The following UNC13C variants were observed in gnomAD, a reference collection of about 807,000 sequenced individuals.
UNC13C encodes protein unc-13 homolog C.
A neutral mutation model predicts 245.4 loss-of-function variants in UNC13C; 174 were observed. That is an observed-to-expected ratio of 0.71 (90% CI 0.63 to 0.80). UNC13C has a LOEUF of 0.80. Ranked by LOEUF, UNC13C falls within the 30% of genes least tolerant of loss-of-function variation. The pLI, the probability that UNC13C is intolerant of heterozygous loss-of-function variation, is 0.00. For missense variants in UNC13C, 2,829 were observed against 2,602.9 expected (o/e 1.09, Z -1.89); for synonymous variants, 992 against 895.1 (o/e 1.11, Z -1.93).
chr15:54,518,576 TAAACCA>T (rs575763071), intron 24 of UNC13C, among the ~76,000 whole-genome samples: 528 of 152,338 alleles, frequency 3.5e-3, no homozygotes, highest in African/African-American at 0.012. Context: ...TAACAAACCA[TAAACCA>T]ATGCCATTAC....
rs78388046 is a variant in UNC13C, at chr15:54,228,404, C to T, written c.3072-6626C>T. Among the ~76,000 whole-genome samples, 163 of 152,086 alleles carry T rather than the reference C, an allele frequency of 1.1e-3. 2 individuals are homozygous for T. The East Asian group carries it at 0.02, about 19-fold the overall frequency. On this transcript the variant is annotated intron_variant, in intron 4 of 32. Coordinates refer to ENST00000260323, the MANE Select transcript of UNC13C (RefSeq NM_001080534.3). The stretch of plus-strand genomic sequence containing the variant: ...AAAATCTCCTTCACCCTTTTCTCTC[C>T]GTTTCTCAAGCAGAATGGGTCTCTC...
At chr15:54,228,793 C>G (rs1167209950) in intron 4 of UNC13C, among the ~76,000 whole-genome samples, 1 of 152,136 alleles carries the variant, frequency 6.6e-6, no homozygotes, top group African/African-American at 2.4e-5. Flanking sequence ...AGTGTCTATC[C>G]CAGACCTGTG....
At chr15:54,218,285 C>G (rs755369162) in intron 4 of UNC13C, among the ~76,000 whole-genome samples, 6 of 151,962 alleles carry the variant, frequency 3.9e-5, no homozygotes, top group Non-Finnish European at 5.9e-5. Flanking sequence ...TCCTCTTTCT[C>G]CCCTCATTCC....
intron 30 of UNC13C, among the ~76,000 whole-genome samples, chr15:54,581,707 A>G (rs900169180): frequency 6.6e-6 from 1 of 152,246 alleles, no homozygotes; most frequent in Non-Finnish European, 1.5e-5. Context: ...CATTCTATCT[A>G]TAGCACATGG....
At chr15:54,261,278 TAAAC>T (rs1662751337) in intron 8 of UNC13C, among the ~76,000 whole-genome samples, 1 of 152,166 alleles carries the variant, frequency 6.6e-6, no homozygotes, top group African/African-American at 2.4e-5. Flanking sequence ...GACTTTTAGA[TAAAC>T]AAATAAGCCT....
intron 4 of UNC13C, among the ~76,000 whole-genome samples, chr15:54,198,728 T>A (rs2034434276): frequency 6.6e-6 from 1 of 152,082 alleles, no homozygotes; most frequent in South Asian, 2.1e-4. Flanking sequence ...GAATCCCAGA[T>A]CTTCCCTCTG....
the UNC13C span, among the ~76,000 whole-genome samples, chr15:53,883,449 A>T: frequency 2.6e-3 from 399 of 152,326 alleles, 13 homozygotes; most frequent in East Asian, 0.055. Context: ...AACTTTAAAG[A>T]TAACTGTCTT....
At chr15:54,024,703 G>C (rs1177736766) in intron 2 of UNC13C, among the ~76,000 whole-genome samples, 3 of 152,068 alleles carry the variant, frequency 2.0e-5, no homozygotes, top group Non-Finnish European at 2.9e-5. Flanking sequence ...CGGATCACGA[G>C]GTCAGGATAT....
chr15:54,060,936 G>A (rs892824935), intron 2 of UNC13C, among the ~76,000 whole-genome samples: 1 of 152,032 alleles, frequency 6.6e-6, no homozygotes, highest in African/African-American at 2.4e-5. Context: ...ATGGACACAG[G>A]AAGGGGAACA....
intron 1 of UNC13C, among the ~76,000 whole-genome samples, chr15:53,993,096 T>G (rs1171673663): frequency 2.0e-5 from 3 of 152,118 alleles, no homozygotes; most frequent in African/African-American, 7.2e-5. Context: ...AAATATCTTA[T>G]CTGGAGTCAC....
At chr15:53,902,559 A>T in the UNC13C span, among the ~76,000 whole-genome samples, 1 of 152,220 alleles carries the variant, frequency 6.6e-6, no homozygotes, top group Non-Finnish European at 1.5e-5. Context: ...GACGGATGGG[A>T]ACTATAAAAT....
At chr15:54,193,203 G>A (rs1038848439) in intron 4 of UNC13C, among the ~76,000 whole-genome samples, 1 of 152,076 alleles carries the variant, frequency 6.6e-6, no homozygotes, top group African/African-American at 2.4e-5. Flanking sequence ...TGGGCTTTAA[G>A]ACAATTTTTT....
At chr15:54,416,271 A>T (rs1419509528) in intron 19 of UNC13C, among the ~76,000 whole-genome samples, 2 of 152,200 alleles carry the variant, frequency 1.3e-5, no homozygotes, top group Admixed American at 1.3e-4. Context: ...GACAGGTTTT[A>T]TAGCGTTCGT....
At chr15:54,091,685 T>TATCAATGTCTG (rs1370423495) in intron 2 of UNC13C, among the ~76,000 whole-genome samples, 2 of 152,202 alleles carry the variant, frequency 1.3e-5, no homozygotes, top group African/African-American at 2.4e-5. Flanking sequence ...ATAAAGCCAC[T>TATCAATGTCTG]ATCAATGTCT....
At chr15:53,949,713 G>A in the UNC13C span, among the ~76,000 whole-genome samples, 1 of 152,108 alleles carries the variant, frequency 6.6e-6, no homozygotes, top group Admixed American at 6.5e-5. Context: ...ACTACCTGAT[G>A]GGCTTGCAAA....
At chr15:54,379,198 T>C (rs2039669435) in intron 17 of UNC13C, among the ~76,000 whole-genome samples, 1 of 152,134 alleles carries the variant, frequency 6.6e-6, no homozygotes, top group South Asian at 2.1e-4. Flanking sequence ...CTATTAATTT[T>C]AAAAGTAATG....
At chr15:53,988,132 G>T (rs1461246266) in intron 1 of UNC13C, among the ~76,000 whole-genome samples, 1 of 151,960 alleles carries the variant, frequency 6.6e-6, no homozygotes, top group Admixed American at 6.6e-5. Context: ...TGAGTTCCTT[G>T]AGGGCAAGTC....
chr15:54,012,491 A>AT (rs1306708520), intron 1 of UNC13C, among the ~76,000 whole-genome samples, 157 bp from the exon 2 acceptor site: 4 of 152,230 alleles, frequency 2.6e-5, no homozygotes, highest in African/African-American at 9.6e-5. Context: ...TTCAGTAGTT[A>AT]TTTTAAAAGT....
chr15:54,446,654 T>C (rs1319926325), intron 19 of UNC13C, among the ~76,000 whole-genome samples: 1 of 152,214 alleles, frequency 6.6e-6, no homozygotes, highest in African/African-American at 2.4e-5. Context: ...TCCTGAGACT[T>C]TGCTGAAGTT....
Sources: gnomAD v4.1 joint callset for allele counts (sites outside exome capture counted in the v4.1 genomes callset) on GRCh38, gnomAD v4.1.1 for gene constraint, MANE v1.5 for transcripts, NCBI Gene and HGNC (gene_info 2026-07-23, HGNC 2026-07-21) for gene names.